Variants in ANKRD31 observed in about 807,000 individuals in gnomAD.
ANKRD31 encodes the protein ankyrin repeat domain-containing protein 31.
In ANKRD31, 147 loss-of-function variants were observed where a neutral mutation model predicts 186.0. The ratio of observed to expected loss-of-function variants is 0.79; its 90% CI spans 0.69 to 0.91. ANKRD31 has a LOEUF of 0.91. ANKRD31 is among the 40% of genes least tolerant of loss of function. ANKRD31 has a pLI of 0.00. For missense variants in ANKRD31, 1,986 were observed against 2,148.8 expected (o/e 0.92, Z 1.50); for synonymous variants, 673 against 736.4 (o/e 0.91, Z 1.39).
In ANKRD31 at chr5:75,068,988, A is replaced by G. The variant is rs561304568; in HGVS notation, c.5648-324T>C. On this transcript the variant is annotated intron_variant, in intron 25 of 25. Transcript: ENST00000506364. ...GAGAATAAAACAGTTGTATTAACTG[A>G]GATTTTGCATGTGAAATTCTTAGCA... is the stretch of plus-strand genomic sequence containing the variant. 7.2e-5 allele frequency among the ~76,000 whole-genome samples: 11 copies of G among 152,314 alleles called. 1 individual carries two copies. In the East Asian group the frequency reaches 2.1e-3, roughly 29 times the overall value.
intron 22 of ANKRD31, among the ~76,000 whole-genome samples, chr5:75,092,730 C>A (rs938959627): frequency 1.3e-4 from 19 of 151,908 alleles, no homozygotes; most frequent in African/African-American, 3.1e-4. Context: ...GACACACACA[C>A]TGGGAAAAAA....
chr5:75,110,800 T>C (rs190186780), intron 20 of ANKRD31, among the ~76,000 whole-genome samples: 56 of 147,810 alleles, frequency 3.8e-4, no homozygotes, highest in African/African-American at 1.3e-3. Context: ...AAAATGAAAA[T>C]ACTGATGCTA....
intron 1 of ANKRD31, among the ~76,000 whole-genome samples, chr5:75,235,530 A>C (rs1380328022): frequency 1.3e-5 from 2 of 152,080 alleles, no homozygotes; most frequent in Non-Finnish European, 2.9e-5. Context: ...TCCAGTGGGC[A>C]CAGACAGTAA....
intron 3 of ANKRD31, among the ~76,000 whole-genome samples, chr5:75,220,268 T>A (rs1267612728): frequency 6.6e-6 from 1 of 152,122 alleles, no homozygotes; most frequent in Admixed American, 6.6e-5. Context: ...GTTTGCAAAT[T>A]ATACATCTGA....
rs1411602015 is a variant in ANKRD31, at chr5:75,105,076, A to C, written c.4483T>G (p.Leu1495Val). The change falls in exon 22 of 26, where the codon TTG becomes GTG. Residue 1495 changes from leucine (L) to valine (V), a missense_variant. By Grantham distance (32) the Leu-to-Val change is conservative. Transcript: ENST00000506364. Reference protein sequence around the residue: ...KIQNCRNVTSLPCLSLRKLPP... With the variant: ...KIQNCRNVTSVPCLSLRKLPP... ...AGCTTCCTTAAACTAAGACAAGGCA[A>C]TGATGTAACATTCCTACAGTTTTGA... 13 of 1,536,866 alleles carry C rather than the reference A, an allele frequency of 8.5e-6. No individual in the cohort carries two copies. Among genetic ancestry groups the C allele is most frequent in the Non-Finnish European group, 1.1e-5 (13 of 1,146,822 alleles).
At chr5:75,091,220 A>G in intron 23 of ANKRD31, 41 bp downstream of exon 23, 1 of 1,494,420 alleles carries the variant, frequency 6.7e-7, no homozygotes. Flanking sequence ...GTACTTTTCC[A>G]TTTGAATATG....
chr5:75,181,642 C>G (rs1480147268), intron 10 of ANKRD31, among the ~76,000 whole-genome samples: 1 of 149,568 alleles, frequency 6.7e-6, no homozygotes, highest in Non-Finnish European at 1.5e-5. Flanking sequence ...GGACAAAAAA[C>G]CAAACACCGC....
rs550515783 is a variant in ANKRD31, at chr5:75,068,418, A to G, written c.*101T>C. On this transcript the variant is annotated 3_prime_UTR_variant, in exon 26 of 26. Transcript: ENST00000506364. The stretch of plus-strand genomic sequence containing the variant: ...ATACATCCTAAATAGCAACTCATAA[A>G]GTGTATGTTAAAATAGGCCCACCAG... 176 of 1,128,580 alleles carry G rather than the reference A, an allele frequency of 1.6e-4. 1 individual carries two copies. In the South Asian group the frequency reaches 3.6e-3, roughly 23 times the overall value. 69.9% of individuals were successfully genotyped at this position (1,128,580 alleles called of 1,614,324 possible). A position where few individuals can be genotyped will look rare whatever the true frequency, so the allele number is the denominator to read the frequency against.
intron 2 of ANKRD31, among the ~76,000 whole-genome samples, chr5:75,224,594 C>G (rs1437166217): frequency 6.6e-6 from 1 of 151,236 alleles, no homozygotes; most frequent in African/African-American, 2.4e-5. Context: ...AATTGGTTAA[C>G]CATTTCAAAA....
intron 22 of ANKRD31, among the ~76,000 whole-genome samples, chr5:75,098,362 C>T (rs1012011153): frequency 1.9e-4 from 29 of 152,142 alleles, no homozygotes; most frequent in African/African-American, 6.0e-4. Context: ...ACTCAGGTAG[C>T]GTGATGCCTC....
At chr5:75,154,970 CCTT>C (rs1335367365) in intron 11 of ANKRD31, among the ~76,000 whole-genome samples, 1 of 152,074 alleles carries the variant, frequency 6.6e-6, no homozygotes, top group Non-Finnish European at 1.5e-5. Flanking sequence ...AACGACTTCT[CCTT>C]CTTTTCACAC....
chr5:75,135,665 A>G (rs1008399587), intron 17 of ANKRD31, among the ~76,000 whole-genome samples: 4 of 152,188 alleles, frequency 2.6e-5, no homozygotes, highest in Admixed American at 6.5e-5. Context: ...GGAAAAAACT[A>G]CTTTAAAGTT....
intron 11 of ANKRD31, among the ~76,000 whole-genome samples, chr5:75,154,821 G>C (rs1325282439): frequency 6.6e-6 from 1 of 152,004 alleles, no homozygotes; most frequent in Non-Finnish European, 1.5e-5. Context: ...CTATACCTGT[G>C]CTGCCGCTGC....
At chr5:75,225,904 T>C (rs1757596475) in intron 2 of ANKRD31, among the ~76,000 whole-genome samples, 1 of 152,220 alleles carries the variant, frequency 6.6e-6, no homozygotes, top group African/African-American at 2.4e-5. Context: ...TTTCTGGACC[T>C]GCCCTGGGCC....
At chr5:75,099,069 G>A (rs1219076621) in intron 22 of ANKRD31, among the ~76,000 whole-genome samples, 1 of 152,176 alleles carries the variant, frequency 6.6e-6, no homozygotes, top group Non-Finnish European at 1.5e-5. Context: ...CTGTGGGTTT[G>A]TCATAAATAG....
chr5:75,230,086 C>T (rs938108809), intron 2 of ANKRD31, among the ~76,000 whole-genome samples: 9 of 151,726 alleles, frequency 5.9e-5, no homozygotes, highest in Admixed American at 3.3e-4. Flanking sequence ...TGTGTGCGCG[C>T]GTGTGTGCAC....
intron 9 of ANKRD31, among the ~76,000 whole-genome samples, chr5:75,189,083 G>T (rs904789695): frequency 6.6e-6 from 1 of 152,018 alleles, no homozygotes; most frequent in Non-Finnish European, 1.5e-5. Flanking sequence ...AAATCTCAGA[G>T]GCATATAAGA....
chr5:75,116,131 T>C (rs912219045), intron 19 of ANKRD31, among the ~76,000 whole-genome samples: 1 of 150,336 alleles, frequency 6.7e-6, no homozygotes, highest in African/African-American at 2.5e-5. Context: ...AAATTGGAAA[T>C]CATCATTCTC....
intron 14 of ANKRD31, among the ~76,000 whole-genome samples, chr5:75,145,586 T>TG (rs962166969): frequency 1.3e-5 from 2 of 151,252 alleles, no homozygotes; most frequent in African/African-American, 4.9e-5. Context: ...TGTCATGGGG[T>TG]GGGGGGGCTA....
Sources: gnomAD v4.1 joint callset for allele counts (sites outside exome capture counted in the v4.1 genomes callset) on GRCh38, gnomAD v4.1.1 for gene constraint, MANE v1.5 for transcripts, NCBI Gene and HGNC (gene_info 2026-07-23, HGNC 2026-07-21) for gene names.